The following LYRM4 variants were observed in gnomAD, a reference collection of about 807,000 sequenced individuals.
LYRM4 encodes the protein LYR motif-containing protein 4.
LYRM4 carries 9 observed loss-of-function variants against 11.7 expected under a neutral mutation model. That is an observed-to-expected ratio of 0.77 (90% CI 0.46 to 1.34). The LOEUF is 1.34. LYRM4 is among the 40% of genes most tolerant of loss of function. The pLI, the probability that LYRM4 is intolerant of heterozygous loss-of-function variation, is 0.00. For synonymous variants in LYRM4, 42 were observed against 40.4 expected (o/e 1.04, Z -0.15); for missense variants, 133 against 112.5 (o/e 1.18, Z -0.82).
At chr6:5,193,282 T>C (rs889336918) in intron 2 of LYRM4, among the ~76,000 whole-genome samples, 4 of 151,708 alleles carry the variant, frequency 2.6e-5, no homozygotes, top group African/African-American at 9.7e-5. Flanking sequence ...CTATGTACTA[T>C]ATGTGATTTA....
At chr6:5,145,608 T>C (rs1757678253) in intron 2 of LYRM4, among the ~76,000 whole-genome samples, 1 of 152,124 alleles carries the variant, frequency 6.6e-6, no homozygotes, top group South Asian at 2.1e-4. Flanking sequence ...CCCAGCCTTA[T>C]GAGGAAAAAA....
chr6:5,126,154 T>C (rs116655563), intron 2 of LYRM4, among the ~76,000 whole-genome samples: 153 of 152,380 alleles, frequency 1.0e-3, no homozygotes, highest in African/African-American at 3.5e-3. Flanking sequence ...TACTTTTTGA[T>C]AGAAGTATCC....
intron 2 of LYRM4, among the ~76,000 whole-genome samples, chr6:5,193,661 T>A (rs1002273840): frequency 6.6e-6 from 1 of 152,176 alleles, no homozygotes; most frequent in Non-Finnish European, 1.5e-5. Context: ...CAATCTAAGT[T>A]ATCAAGAGAC....
At chr6:5,256,491 G>GAAAAAAAAAA (rs1161084364) in intron 1 of LYRM4, among the ~76,000 whole-genome samples, 1 of 43,858 alleles carries the variant, frequency 2.3e-5, no homozygotes, top group Non-Finnish European at 3.6e-5. Context: ...ATTTCAACTG[G>GAAAAAAAAAA]AAAAAAAAAA....
chr6:5,235,081 C>T (rs774252742), intron 1 of LYRM4, among the ~76,000 whole-genome samples: 12 of 152,138 alleles, frequency 7.9e-5, no homozygotes, highest in Non-Finnish European at 1.5e-4. Flanking sequence ...TGGCCCCTTT[C>T]CATCATTACT....
At chr6:5,248,913 C>T (rs1455452330) in intron 1 of LYRM4, among the ~76,000 whole-genome samples, 5 of 152,196 alleles carry the variant, frequency 3.3e-5, no homozygotes, top group African/African-American at 9.6e-5. Context: ...TAAATGTTTG[C>T]TGAATGAAAC....
intron 2 of LYRM4, among the ~76,000 whole-genome samples, chr6:5,154,157 C>G (rs958777989): frequency 6.6e-6 from 1 of 152,182 alleles, no homozygotes; most frequent in African/African-American, 2.4e-5. Flanking sequence ...AAATGACTTT[C>G]TCCTGAAACT....
intron 2 of LYRM4, among the ~76,000 whole-genome samples, chr6:5,195,968 C>T (rs566335812): frequency 1.3e-5 from 2 of 152,292 alleles, no homozygotes; most frequent in South Asian, 4.1e-4. Flanking sequence ...CAACAGCAAA[C>T]CCTTATATTG....
At chr6:5,074,652 C>A in the LYRM4 span, among the ~76,000 whole-genome samples, 1 of 147,578 alleles carries the variant, frequency 6.8e-6, no homozygotes, top group Non-Finnish European at 1.5e-5. Flanking sequence ...ACTTTAAGTT[C>A]TAGGGTACAT....
chr6:5,184,363 A>G (rs1054376902), intron 2 of LYRM4, among the ~76,000 whole-genome samples: 4 of 152,204 alleles, frequency 2.6e-5, no homozygotes, highest in African/African-American at 9.7e-5. Flanking sequence ...CCTTTAAGAG[A>G]AAAGAAGTTG....
At chr6:5,069,369 A>G in the LYRM4 span, among the ~76,000 whole-genome samples, 3 of 136,272 alleles carry the variant, frequency 2.2e-5, no homozygotes, top group African/African-American at 8.4e-5. Context: ...ACATGTTAAC[A>G]TAAAAAAAAA....
At chr6:5,083,983 T>A in the LYRM4 span, among the ~76,000 whole-genome samples, 8 of 152,270 alleles carry the variant, frequency 5.3e-5, no homozygotes, top group Admixed American at 3.9e-4. Flanking sequence ...TCACAAACGC[T>A]AGGGAGCTGG....
chr6:5,054,823 T>C, the LYRM4 span, among the ~76,000 whole-genome samples: 1 of 152,172 alleles, frequency 6.6e-6, no homozygotes, highest in African/African-American at 2.4e-5. Flanking sequence ...AACCTGACTC[T>C]GGTATGGAAT....
At chr6:5,051,671 G>T in the LYRM4 span, among the ~76,000 whole-genome samples, 1 of 152,180 alleles carries the variant, frequency 6.6e-6, no homozygotes, top group South Asian at 2.1e-4. Context: ...CACTAGACCT[G>T]CTGTCTTAGT....
the LYRM4 span, among the ~76,000 whole-genome samples, chr6:5,097,282 C>T: frequency 6.6e-6 from 1 of 152,030 alleles, no homozygotes; most frequent in African/African-American, 2.4e-5. Flanking sequence ...GAGACAGGGT[C>T]TTGTTCTGTC....
intron 2 of LYRM4, among the ~76,000 whole-genome samples, chr6:5,138,921 G>A (rs1258712539): frequency 1.3e-5 from 2 of 152,182 alleles, no homozygotes; most frequent in African/African-American, 4.8e-5. Flanking sequence ...ATACTTTGAA[G>A]TCTTAAAGAA....
At chr6:5,200,830 A>G (rs1761345743) in intron 2 of LYRM4, among the ~76,000 whole-genome samples, 1 of 143,670 alleles carries the variant, frequency 7.0e-6, no homozygotes, top group African/African-American at 2.5e-5. Context: ...CTGTACAAGC[A>G]CTGTAGGTGG....
chr6:5,153,297 G>A (rs1758200493), intron 2 of LYRM4, among the ~76,000 whole-genome samples: 1 of 152,190 alleles, frequency 6.6e-6, no homozygotes, highest in Middle Eastern at 3.4e-3. Context: ...TGCCATGGTG[G>A]CCAGGTTGCT....
At chr6:5,091,748 G>T in the LYRM4 span, among the ~76,000 whole-genome samples, 1 of 152,190 alleles carries the variant, frequency 6.6e-6, no homozygotes, top group Admixed American at 6.5e-5. Flanking sequence ...AGTAGTAAAA[G>T]GCTATTTAAG....
Sources: gnomAD v4.1 joint callset for allele counts (sites outside exome capture counted in the v4.1 genomes callset) on GRCh38, gnomAD v4.1.1 for gene constraint, MANE v1.5 for transcripts, NCBI Gene and HGNC (gene_info 2026-07-23, HGNC 2026-07-21) for gene names.